Variants in KIAA0825 observed in about 807,000 individuals in gnomAD.
KIAA0825 encodes the protein uncharacterized protein KIAA0825.
In KIAA0825, 119 loss-of-function variants were observed where a neutral mutation model predicts 147.6. The observed-to-expected ratio is 0.81, with a 90% CI of 0.69 to 0.94. The LOEUF (loss-of-function observed/expected upper bound fraction) is 0.94. Among genes scored for constraint, KIAA0825 ranks in the 40% least tolerant of loss-of-function variants. The pLI, the probability that KIAA0825 is intolerant of heterozygous loss-of-function variation, is 0.00. For missense variants in KIAA0825, 1,381 were observed against 1,472.7 expected (o/e 0.94, Z 1.02); for synonymous variants, 470 against 518.1 (o/e 0.91, Z 1.26).
intron 3 of KIAA0825, 141 bp from the exon 4 acceptor site, chr5:94,524,239 T>A (rs900733466): frequency 2.6e-5 from 12 of 468,474 alleles, no homozygotes; most frequent in African/African-American, 2.4e-4. Flanking sequence ...ATGAAAATAA[T>A]AACAGACTAT....
chr5:94,372,264 G>T (rs1028081442), intron 20 of KIAA0825, among the ~76,000 whole-genome samples: 1 of 152,176 alleles, frequency 6.6e-6, no homozygotes, highest in Admixed American at 6.6e-5. Flanking sequence ...CTGGGGTCTG[G>T]AGGATAGTGG....
chr5:94,367,498 CA>C (rs550407914), intron 20 of KIAA0825, among the ~76,000 whole-genome samples: 16 of 144,756 alleles, frequency 1.1e-4, no homozygotes, highest in Admixed American at 5.5e-4. Context: ...CACTCGATCT[CA>C]AAAAAAAAAT....
intron 2 of KIAA0825, among the ~76,000 whole-genome samples, chr5:94,565,660 C>G (rs1424001811): frequency 6.6e-6 from 1 of 152,156 alleles, no homozygotes; most frequent in African/African-American, 2.4e-5. Flanking sequence ...TTAACTCTGA[C>G]TGGGAATAAA....
chr5:94,469,806 T>C (rs923593139), intron 10 of KIAA0825, among the ~76,000 whole-genome samples, 155 bp downstream of exon 10: 2 of 152,220 alleles, frequency 1.3e-5, no homozygotes, highest in Admixed American at 1.3e-4. Flanking sequence ...AAAAACACTG[T>C]TTTTCCTAAG....
Position 94,248,966 on chromosome 5 carries a change from G to C in KIAA0825, c.3711-94842C>G, listed in dbSNP as rs564048327. Among the ~76,000 whole-genome samples, 5 of 152,238 alleles carry C rather than the reference G, an allele frequency of 3.3e-5. No homozygotes were observed. The East Asian group carries it at 9.7e-4, about 29-fold the overall frequency. ...CATGATTTAACCTAATTGTTAAATGGTCACACAGATTTGGTGCTATAATAT... is the reference window on the plus strand; with the variant it reads ...CATGATTTAACCTAATTGTTAAATGCTCACACAGATTTGGTGCTATAATAT... On this transcript the variant is annotated intron_variant, in intron 20 of 20. Transcript: ENST00000682413.
chr5:94,566,548 A>G (rs533870557), intron 2 of KIAA0825, among the ~76,000 whole-genome samples: 1 of 152,064 alleles, frequency 6.6e-6, no homozygotes, highest in Non-Finnish European at 1.5e-5. Flanking sequence ...ATAAATAATG[A>G]TTCTTGATAT....
At chr5:94,360,650 G>T (rs554246685) in intron 20 of KIAA0825, among the ~76,000 whole-genome samples, 2 of 152,204 alleles carry the variant, frequency 1.3e-5, no homozygotes, top group African/African-American at 4.8e-5. Context: ...CAAATGCCAT[G>T]GCAGTGTACA....
At chr5:94,486,929 C>T (rs1424067405) in intron 5 of KIAA0825, among the ~76,000 whole-genome samples, 1 of 152,074 alleles carries the variant, frequency 6.6e-6, no homozygotes, top group Non-Finnish European at 1.5e-5. Flanking sequence ...TAGGAAAGGC[C>T]GCTCAATAGT....
intron 2 of KIAA0825, among the ~76,000 whole-genome samples, chr5:94,574,303 G>A (rs1488194802): frequency 6.6e-6 from 1 of 152,066 alleles, no homozygotes; most frequent in Admixed American, 6.5e-5. Context: ...CCAGCACTTT[G>A]GGAGGCTGAG....
At chr5:94,192,001 A>G (rs902953773) in intron 20 of KIAA0825, among the ~76,000 whole-genome samples, 1 of 152,272 alleles carries the variant, frequency 6.6e-6, no homozygotes, top group African/African-American at 2.4e-5. Context: ...GGCTATTTCA[A>G]AGATTCCCAA....
At chr5:94,383,873 A>G (rs73142961) in intron 20 of KIAA0825, among the ~76,000 whole-genome samples, 3,674 of 151,810 alleles carry the variant, frequency 0.024, 157 homozygotes, top group African/African-American at 0.084. Flanking sequence ...AGACAGTACC[A>G]ACATAACTGG....
At chr5:94,558,048 C>A (rs867625178) in intron 2 of KIAA0825, among the ~76,000 whole-genome samples, 4 of 152,322 alleles carry the variant, frequency 2.6e-5, no homozygotes, top group Middle Eastern at 3.4e-3. Flanking sequence ...CAGCTAAGTG[C>A]CTGGGTTCCT....
chr5:94,166,774 C>T (rs1259090730), intron 20 of KIAA0825, among the ~76,000 whole-genome samples: 3 of 151,976 alleles, frequency 2.0e-5, no homozygotes, highest in African/African-American at 7.3e-5. Context: ...TCCCAAAGTG[C>T]TCATGTCCTT....
At chr5:94,598,701 A>C (rs1785751732) in intron 1 of KIAA0825, among the ~76,000 whole-genome samples, 1 of 152,180 alleles carries the variant, frequency 6.6e-6, no homozygotes, top group Admixed American at 6.5e-5. Context: ...TATCACAAAC[A>C]CAAGTAATGC....
intron 20 of KIAA0825, among the ~76,000 whole-genome samples, chr5:94,326,121 A>G (rs1780666071): frequency 6.6e-6 from 1 of 152,126 alleles, no homozygotes; most frequent in African/African-American, 2.4e-5. Flanking sequence ...CATTCATACT[A>G]GAGACATGTT....
chr5:94,183,550 G>C (rs1455861930), intron 20 of KIAA0825, among the ~76,000 whole-genome samples: 4 of 152,156 alleles, frequency 2.6e-5, no homozygotes, highest in East Asian at 1.9e-4. Context: ...CATGATTAGA[G>C]GGTTGAGACT....
rs10065603 is a variant in KIAA0825 at position 94,293,029 on chromosome 5, T to C, written c.3710+91339A>G. Among the ~76,000 whole-genome samples the C allele has an allele frequency of 9.8e-3, 1,478 of 150,978 alleles. 29 individuals carry two copies. Among genetic ancestry groups the C allele is most frequent in the African/African-American group, 0.034 (1,419 of 41,388 alleles). ...TTTTCTTTATTAGTCTGGCTAGCAG[T>C]CTGTCTATTTTGTTAATCTTTAAAA... On this transcript the variant is annotated intron_variant, in intron 20 of 20. Coordinates refer to ENST00000682413, the MANE Select transcript of KIAA0825 (RefSeq NM_001145678.3).
At chr5:94,212,449 T>C (rs952623402) in intron 20 of KIAA0825, among the ~76,000 whole-genome samples, 4 of 152,156 alleles carry the variant, frequency 2.6e-5, no homozygotes, top group Admixed American at 1.3e-4. Context: ...AGTCTGAGAT[T>C]TTTCCCTTGC....
intron 3 of KIAA0825, among the ~76,000 whole-genome samples, chr5:94,528,667 G>A (rs1584785745): frequency 6.6e-6 from 1 of 152,214 alleles, no homozygotes; most frequent in Non-Finnish European, 1.5e-5. Flanking sequence ...AGTGACAGAA[G>A]CAAGATGGAA....
Sources: allele counts gnomAD v4.1 joint callset (sites outside exome capture counted in the v4.1 genomes callset), GRCh38; gene constraint gnomAD v4.1.1; transcripts MANE v1.5; gene names NCBI Gene and HGNC (gene_info 2026-07-23, HGNC 2026-07-21).